ZEB1: variants seen among roughly 807,000 people sequenced by gnomAD.
The protein encoded by ZEB1 is zinc finger E-box-binding homeobox 1.
Under a neutral mutation model 84.9 loss-of-function variants are expected in ZEB1, and 21 were observed. The ratio of observed to expected loss-of-function variants is 0.25; its 90% confidence interval spans 0.18 to 0.36. The LOEUF is 0.36. ZEB1 is among the 10% of genes least tolerant of loss of function. The pLI is 1.00. For synonymous variants in ZEB1, 420 were observed against 471.1 expected (o/e 0.89, Z 1.41); for missense variants, 1,104 against 1,330.2 (o/e 0.83, Z 2.65).
intron 2 of ZEB1, among the ~76,000 whole-genome samples, chr10:31,473,821 T>A (rs959625548): frequency 1.7e-4 from 26 of 150,474 alleles, no homozygotes; most frequent in South Asian, 6.4e-4. Flanking sequence ...ACTACAAGGC[T>A]ACAGTAACCA....
intron 1 of ZEB1, chr10:31,321,156 G>T (rs1404134351): frequency 1.4e-5 from 15 of 1,063,016 alleles, no homozygotes; most frequent in African/African-American, 5.1e-5. Context: ...CCTCTGGGAT[G>T]CGAAACGCGA....
At position 31,345,055 on chromosome 10, in the gene ZEB1, A is replaced by G. The variant is rs1271839899; in HGVS notation, c.58+25763A>G. Among the ~76,000 whole-genome samples, 3 of 152,328 alleles carry G rather than the reference A, an allele frequency of 2.0e-5. No homozygotes were observed. In the East Asian group the frequency reaches 5.8e-4, roughly 29 times the overall value. On this transcript the variant is annotated intron_variant, in intron 1 of 8. Transcript: ENST00000424869. The stretch of plus-strand genomic sequence containing the variant: ...GTTAATGTTTGACTGGAAGTTTTCT[A>G]CTGGAAGAATTAGTTTGGATTTTAC...
chr10:31,351,522 T>C (rs964308215), intron 1 of ZEB1, among the ~76,000 whole-genome samples: 3 of 152,144 alleles, frequency 2.0e-5, no homozygotes, highest in Admixed American at 1.3e-4. Flanking sequence ...CTTTTTTTCC[T>C]ACCTTTTATT....
chr10:31,438,140 G>A (rs1027816359), intron 1 of ZEB1, among the ~76,000 whole-genome samples: 2 of 152,186 alleles, frequency 1.3e-5, no homozygotes, highest in Non-Finnish European at 2.9e-5. Context: ...CGCTCTCCAC[G>A]AGGCCTCCCT....
At chr10:31,467,880 T>C (rs187069973) in intron 2 of ZEB1, among the ~76,000 whole-genome samples, 6 of 152,282 alleles carry the variant, frequency 3.9e-5, no homozygotes, top group African/African-American at 1.4e-4. Flanking sequence ...CATTCTGGAA[T>C]GCCTGGGATG....
intron 3 of ZEB1, among the ~76,000 whole-genome samples, chr10:31,499,523 T>A (rs1050726659): frequency 5.3e-5 from 8 of 152,194 alleles, no homozygotes; most frequent in African/African-American, 1.9e-4. Context: ...TTTTTTCGTT[T>A]TTTGAACTCA....
At position 31,469,910 on chromosome 10, in the gene ZEB1, C is replaced by G. The variant is rs1345590848; in HGVS notation, c.259+8673C>G. On this transcript the variant is annotated intron_variant, in intron 2 of 8. Transcript: ENST00000424869. Reference sequence around the variant, plus strand: ...CCTCAAGTGGGTCCCTGACCCCTAACCCCCGAGCAGCCTAACTGGGAGGCA... The same window carrying G: ...CCTCAAGTGGGTCCCTGACCCCTAAGCCCCGAGCAGCCTAACTGGGAGGCA... Among the ~76,000 whole-genome samples, 4 of 152,332 alleles carry G rather than the reference C, an allele frequency of 2.6e-5. No individual in the cohort carries two copies. In the East Asian group the frequency reaches 7.7e-4, roughly 29 times the overall value.
Position 31,514,725 on chromosome 10 carries a change from T to G in ZEB1, c.793+17T>G, listed in dbSNP as rs762987004. ...TTCACAGTGGTAAATATTTTTTTTC[T>G]TTCTATACCCTGAATATCATAGCAT... On this transcript the variant is annotated intron_variant, in intron 6 of 8. Coordinates refer to ENST00000424869, the MANE Select transcript of ZEB1 (RefSeq NM_001174096.2). The G allele has an allele frequency of 9.5e-6, 15 of 1,573,586 alleles. No individual in the cohort carries two copies. The South Asian group carries it at 1.4e-4, about 15-fold the overall frequency.
intron 4 of ZEB1, 126 bp from the exon 5 acceptor site, chr10:31,510,547 T>C: frequency 1.3e-6 from 1 of 749,994 alleles, no homozygotes; most frequent in Non-Finnish European, 2.3e-6. Flanking sequence ...TATCATTGCA[T>C]TGTTTTGAGG....
chr10:31,343,255 A>C (rs1013124454), intron 1 of ZEB1, among the ~76,000 whole-genome samples: 3 of 152,102 alleles, frequency 2.0e-5, no homozygotes, highest in African/African-American at 4.8e-5. Flanking sequence ...TAAGTTAATC[A>C]TTTTTAGAAT....
At chr10:31,320,069 T>C (rs1039719844) in intron 1 of ZEB1, 1 of 148,448 alleles carries the variant, frequency 6.7e-6, no homozygotes, top group African/African-American at 2.5e-5. Context: ...GGGGCGCGGG[T>C]CCCTAAGCGC....
chr10:31,444,448 T>C (rs1180885518), intron 1 of ZEB1, among the ~76,000 whole-genome samples: 1 of 152,082 alleles, frequency 6.6e-6, no homozygotes, highest in East Asian at 1.9e-4. Flanking sequence ...TTGTCTTCTG[T>C]TGCCATTGCT....
At chr10:31,335,757 C>G (rs1369243133) in intron 1 of ZEB1, among the ~76,000 whole-genome samples, 2 of 151,982 alleles carry the variant, frequency 1.3e-5, no homozygotes, top group Non-Finnish European at 2.9e-5. Context: ...CAACATTGTA[C>G]TAGAAGTATA....
intron 1 of ZEB1, among the ~76,000 whole-genome samples, chr10:31,334,454 A>G (rs1207724652): frequency 1.3e-5 from 2 of 152,134 alleles, no homozygotes; most frequent in East Asian, 1.9e-4. Context: ...CAACTTATGT[A>G]TAGCTAAAAT....
rs377305957 is a variant in ZEB1 at position 31,383,242 on chromosome 10, C to T, written c.58+63950C>T. ...AGAAATATTCTGTGATTGCACTATC[C>T]AATATGTAGCCATTTGGCACATGTG... On this transcript the variant is annotated intron_variant, in intron 1 of 8. Coordinates refer to ENST00000424869, the MANE Select transcript of ZEB1 (RefSeq NM_001174096.2). Among the ~76,000 whole-genome samples, 142 of 152,142 alleles carry T rather than the reference C, an allele frequency of 9.3e-4. 2 individuals are homozygous for T. The highest frequency in any genetic ancestry group is 3.3e-3 in the African/African-American group (139 of 41,514).
At chr10:31,409,907 G>C (rs1441409773) in intron 1 of ZEB1, among the ~76,000 whole-genome samples, 1 of 152,110 alleles carries the variant, frequency 6.6e-6, no homozygotes, top group East Asian at 1.9e-4. Flanking sequence ...AGGAGATTTG[G>C]GGCTGAGACA....
chr10:31,515,878 CT>C (rs2071003600), intron 6 of ZEB1, among the ~76,000 whole-genome samples: 1 of 152,006 alleles, frequency 6.6e-6, no homozygotes, highest in African/African-American at 2.4e-5. Context: ...AACCTACCTT[CT>C]TACCAGAGAT....
chr10:31,385,533 C>CT (rs1431044567), intron 1 of ZEB1, among the ~76,000 whole-genome samples: 2,018 of 142,214 alleles, frequency 0.014, 29 homozygotes, highest in African/African-American at 0.044. Context: ...TTTTTCTTTT[C>CT]TTTTTTTTTT....
chr10:31,488,828 A>G (rs1025290551), intron 2 of ZEB1, among the ~76,000 whole-genome samples: 1 of 151,256 alleles, frequency 6.6e-6, no homozygotes, highest in Non-Finnish European at 1.5e-5. Flanking sequence ...CATTATGATC[A>G]TAGAACATAC....
Sources: allele counts gnomAD v4.1 joint callset (sites outside exome capture counted in the v4.1 genomes callset), GRCh38; gene constraint gnomAD v4.1.1; transcripts MANE v1.5; gene names NCBI Gene and HGNC (gene_info 2026-07-23, HGNC 2026-07-21).